The following SMOC1 variants were observed in gnomAD, a reference collection of about 807,000 sequenced individuals.
SMOC1 encodes the protein SPARC related modular calcium binding 1, also known as SPARC-related modular calcium-binding protein 1.
SMOC1 carries 22 observed loss-of-function variants against 56.3 expected under a neutral mutation model. The ratio of observed to expected loss-of-function variants is 0.39; its 90% confidence interval spans 0.28 to 0.56. SMOC1 has a LOEUF of 0.56. Among genes scored for constraint, SMOC1 ranks in the 20% least tolerant of loss-of-function variants. The pLI is 0.61. For synonymous variants in SMOC1, 193 were observed against 215.0 expected (o/e 0.90, Z 0.89); for missense variants, 509 against 565.4 (o/e 0.90, Z 1.01).
At chr14:69,948,594 C>G (rs1454339457) in intron 1 of SMOC1, among the ~76,000 whole-genome samples, 2 of 152,138 alleles carry the variant, frequency 1.3e-5, no homozygotes, top group African/African-American at 4.8e-5. Context: ...ATGCTGGCAG[C>G]TCTCCTGTCC....
chr14:70,025,126 G>T (rs1161843724), intron 11 of SMOC1, among the ~76,000 whole-genome samples: 1 of 152,174 alleles, frequency 6.6e-6, no homozygotes, highest in Non-Finnish European at 1.5e-5. Context: ...GCCCAAGTAT[G>T]GTTTGGACAC....
At chr14:69,921,669 G>A (rs998111724) in intron 1 of SMOC1, among the ~76,000 whole-genome samples, 2 of 152,190 alleles carry the variant, frequency 1.3e-5, no homozygotes, top group African/African-American at 4.8e-5. Flanking sequence ...AATCTTATGA[G>A]TCTTCCATTT....
At chr14:69,882,220 G>C (rs1400780283) in intron 1 of SMOC1, among the ~76,000 whole-genome samples, 1 of 152,188 alleles carries the variant, frequency 6.6e-6, no homozygotes, top group African/African-American at 2.4e-5. Context: ...CATCCGAGGA[G>C]CAGAAACATC....
At chr14:70,006,163 G>C (rs1885140975) in intron 7 of SMOC1, among the ~76,000 whole-genome samples, 1 of 152,180 alleles carries the variant, frequency 6.6e-6, no homozygotes, top group Non-Finnish European at 1.5e-5. Flanking sequence ...CTGGCTTTTT[G>C]GGTCCGCCAC....
intron 5 of SMOC1, among the ~76,000 whole-genome samples, chr14:69,988,254 C>T (rs531475493): frequency 2.7e-4 from 40 of 150,308 alleles, no homozygotes; most frequent in African/African-American, 9.3e-4. Flanking sequence ...CTTTTTTCTC[C>T]CTCCCTGTAA....
At chr14:69,893,671 G>T (rs1349195270) in intron 1 of SMOC1, among the ~76,000 whole-genome samples, 1 of 152,190 alleles carries the variant, frequency 6.6e-6, no homozygotes, top group East Asian at 1.9e-4. Context: ...AACAGATAAT[G>T]CATTTTGAAC....
rs539381551 is a variant in SMOC1, at chr14:69,884,067, C to T, written c.99+4290C>T. Among the ~76,000 whole-genome samples, 10 of 151,228 alleles carry T rather than the reference C, an allele frequency of 6.6e-5. No individual in the cohort carries two copies. In the South Asian group the frequency reaches 8.4e-4, roughly 13 times the overall value. On this transcript the variant is annotated intron_variant, in intron 1 of 11. Coordinates refer to ENST00000361956, the MANE Select transcript of SMOC1 (RefSeq NM_001034852.3). ...GACTACAGGCGCCCGCCACCGCGCC[C>T]GGCTAATTTTTTGTATTTTTAGTAG...
intron 6 of SMOC1, among the ~76,000 whole-genome samples, chr14:69,993,396 G>A (rs150108031): frequency 2.0e-5 from 3 of 152,248 alleles, no homozygotes; most frequent in African/African-American, 7.2e-5. Context: ...TGAGGAACTG[G>A]AAGTTTGGCA....
intron 3 of SMOC1, among the ~76,000 whole-genome samples, chr14:69,967,074 A>G (rs1883602840): frequency 6.6e-6 from 1 of 152,204 alleles, no homozygotes; most frequent in South Asian, 2.1e-4. Context: ...GAACAAGGCC[A>G]TCTCTTGTTC....
intron 3 of SMOC1, among the ~76,000 whole-genome samples, chr14:69,973,950 C>G (rs934745014): frequency 1.3e-5 from 2 of 152,182 alleles, no homozygotes; most frequent in Non-Finnish European, 2.9e-5. Context: ...TTTCTTCACA[C>G]CTTAATATCT....
intron 3 of SMOC1, among the ~76,000 whole-genome samples, chr14:69,965,047 T>A (rs1262682601): frequency 1.3e-5 from 2 of 152,096 alleles, no homozygotes; most frequent in Non-Finnish European, 2.9e-5. Flanking sequence ...GTGAGGAATA[T>A]CCAATGGAGC....
At chr14:69,956,524 G>T (rs1883192759) in intron 3 of SMOC1, among the ~76,000 whole-genome samples, 1 of 137,838 alleles carries the variant, frequency 7.3e-6, no homozygotes. Flanking sequence ...TTAGAATATT[G>T]ATATGCACGC....
chr14:69,957,668 AG>A (rs778757148), intron 3 of SMOC1, among the ~76,000 whole-genome samples: 2 of 152,238 alleles, frequency 1.3e-5, no homozygotes, highest in Non-Finnish European at 2.9e-5. Context: ...AATTAAAAAA[AG>A]ATACAAAAAA....
intron 7 of SMOC1, among the ~76,000 whole-genome samples, chr14:70,006,729 G>C (rs1885159884): frequency 6.6e-6 from 1 of 152,224 alleles, no homozygotes; most frequent in Non-Finnish European, 1.5e-5. Flanking sequence ...GGGAGGATCA[G>C]CTGGGCTGGA....
chr14:69,887,991 A>C (rs971391358), intron 1 of SMOC1, among the ~76,000 whole-genome samples: 1 of 152,190 alleles, frequency 6.6e-6, no homozygotes, highest in Non-Finnish European at 1.5e-5. Context: ...CTTAGCAGGT[A>C]CAGGGCACCC....
rs1883027123 is a variant in SMOC1 at position 69,952,235 on chromosome 14, T to C, written c.197T>C (p.Met66Thr). ...CASDGRSYES[M>T]CEYQRAKCRD... ...TCTGATGGCAGGTCCTACGAGTCCA[T>C]GTGTGAGTACCAGCGAGCCAAGTGC... The change falls in exon 2 of 12, where the codon ATG (methionine) becomes ACG (threonine). Residue 66 changes from methionine to threonine, a missense_variant. Met to Thr is a moderately conservative substitution (Grantham distance 81). Coordinates refer to ENST00000361956, the MANE Select transcript of SMOC1 (RefSeq NM_001034852.3). 1.2e-6 allele frequency: 2 copies of C among 1,614,100 alleles called. No homozygotes were observed. The highest frequency in any genetic ancestry group is 1.3e-5 in the African/African-American group (1 of 75,022).
At chr14:69,930,856 T>C (rs897220798) in intron 1 of SMOC1, among the ~76,000 whole-genome samples, 1 of 152,224 alleles carries the variant, frequency 6.6e-6, no homozygotes, top group Non-Finnish European at 1.5e-5. Flanking sequence ...GAACCAGAGA[T>C]GGCGACAGCT....
At chr14:69,899,262 G>A (rs556406646) in intron 1 of SMOC1, among the ~76,000 whole-genome samples, 3 of 152,262 alleles carry the variant, frequency 2.0e-5, no homozygotes, top group Admixed American at 6.5e-5. Context: ...GTCTCTACCC[G>A]AGTTTCATGT....
chr14:70,011,503 T>A lies in SMOC1; in HGVS notation c.876T>A (p.Cys292Ter). The stretch of plus-strand genomic sequence containing the variant: ...TTCCCAGCTACGTGATGCCCAGTTG[T>A]GAGAGCGACGCCAGGGCCAAGACTA... ...GTSTRYVMPS[C>*]ESDARAKTTE... Residue 292 changes from cysteine to a stop codon, truncating the protein, a stop_gained, in exon 9 of 12, where the codon TGT becomes TGA. Coordinates refer to ENST00000361956, the MANE Select transcript of SMOC1 (RefSeq NM_001034852.3). LOFTEE classifies it high-confidence loss of function. 6.4e-7 allele frequency: 1 copy of A among 1,555,046 alleles called. No homozygotes were observed. The highest frequency in any genetic ancestry group is 8.7e-7 in the Non-Finnish European group (1 of 1,143,616).
Sources: allele counts gnomAD v4.1 joint callset (sites outside exome capture counted in the v4.1 genomes callset), GRCh38; gene constraint gnomAD v4.1.1; transcripts MANE v1.5; gene names NCBI Gene and HGNC (gene_info 2026-07-23, HGNC 2026-07-21).